The following RSF1 variants were observed in gnomAD, a reference collection of about 807,000 sequenced individuals.
RSF1 encodes remodeling and spacing factor 1.
RSF1 carries 13 observed loss-of-function variants against 145.2 expected under a neutral mutation model. The ratio of observed to expected loss-of-function variants is 0.09; its 90% CI spans 0.06 to 0.14. The LOEUF (loss-of-function observed/expected upper bound fraction) is 0.14. RSF1 is among the 10% of genes least tolerant of loss of function. RSF1 has a pLI of 1.00. For synonymous variants in RSF1, 577 were observed against 592.6 expected, an observed-to-expected ratio of 0.97 and a Z score of 0.38; for missense variants, 1,517 against 1,718.2, an observed-to-expected ratio of 0.88 and a Z score of 2.07.
At chr11:77,772,652 A>C (rs1363576779) in intron 1 of RSF1, among the ~76,000 whole-genome samples, 1 of 152,146 alleles carries the variant, frequency 6.6e-6, no homozygotes, top group Non-Finnish European at 1.5e-5. Context: ...GAATTACACG[A>C]GATGATCCAA....
At position 77,667,421 on chromosome 11, in the gene RSF1, C is replaced by G. The variant is rs370943945; in HGVS notation, c.3822G>C (p.Arg1274=). ...CTGAATACTCGTCTGTGCTTCGGCC[C>G]CGCTTTCGAACTGACCGCTTTGATT... ...AKESKRSVRK[R]GRSTDEYSEA... The change falls in exon 16 of 16, where the codon CGG becomes CGC. Residue 1274 remains arginine, a synonymous_variant. Transcript: ENST00000308488. 6.2e-7 allele frequency: 1 copy of G among 1,613,844 alleles called. No individual in the cohort carries two copies. Among genetic ancestry groups the G allele is most frequent in the Non-Finnish European group, 8.5e-7 (1 of 1,180,022 alleles).
rs1959234915 is a variant in RSF1 at position 77,661,640 on chromosome 11, A to G, written c.*5277T>C. On this transcript the variant is annotated 3_prime_UTR_variant, in exon 16 of 16. Transcript: ENST00000308488. ...TAATTACATAATGCACCTGTAGATG[A>G]TCTAGCATAAACACAATTGTAAAAA... 1 of 152,068 alleles carries G rather than the reference A, an allele frequency of 6.6e-6. No homozygotes were observed. The highest frequency in any genetic ancestry group is 6.6e-5 in the Admixed American group (1 of 15,256). The allele number at this position is 152,068 out of a possible 1,614,324, so 9.4% of individuals were successfully genotyped here.
chr11:77,712,421 GTA>G (rs1960709366), intron 5 of RSF1, among the ~76,000 whole-genome samples: 1 of 152,098 alleles, frequency 6.6e-6, no homozygotes, highest in Non-Finnish European at 1.5e-5. Flanking sequence ...GGTGTCTCAG[GTA>G]TATCTTTATT....
At chr11:77,845,474 C>T in the RSF1 span, among the ~76,000 whole-genome samples, 4 of 151,866 alleles carry the variant, frequency 2.6e-5, no homozygotes, top group African/African-American at 7.3e-5. Flanking sequence ...TCTGTCACCA[C>T]AGCTGGAGTG....
chr11:77,871,570 T>C, the RSF1 span, among the ~76,000 whole-genome samples: 1 of 152,300 alleles, frequency 6.6e-6, no homozygotes, highest in South Asian at 2.1e-4. Context: ...TGAGCTGCAG[T>C]GTACATACAT....
At chr11:77,791,468 A>G (rs1166878376) in intron 1 of RSF1, among the ~76,000 whole-genome samples, 1 of 152,196 alleles carries the variant, frequency 6.6e-6, no homozygotes, top group East Asian at 1.9e-4. Context: ...TACTTGTGCA[A>G]ATTTATGCAG....
chr11:77,813,469 C>T lies in RSF1; in HGVS notation c.187+7059G>A, dbSNP rs561740448. The T allele has an allele frequency of 1.5e-4, 170 of 1,100,862 alleles. 1 individual carries two copies. In the East Asian group the frequency reaches 2.9e-3, roughly 19 times the overall value. The allele number at this position is 1,100,862 out of a possible 1,614,324, so 68.2% of individuals were successfully genotyped here. A position where few individuals can be genotyped will look rare whatever the true frequency, so the allele number is the denominator to read the frequency against. On this transcript the variant is annotated intron_variant, in intron 1 of 15. Transcript: ENST00000308488. Reference sequence around the variant, plus strand: ...ATCCCACGTCTTAGAACCTTCACCACAAGGACTTTTTCTGTAGTGATTCTC... The same window carrying T: ...ATCCCACGTCTTAGAACCTTCACCATAAGGACTTTTTCTGTAGTGATTCTC...
In RSF1 at chr11:77,663,717, T is replaced by C. The variant is rs1297706134; in HGVS notation, c.*3200A>G. Reference sequence around the variant, plus strand: ...TTTACACTAATTTCATCAGCACTGATGTACAAAACCAAAACGTTTTCAGTC... The same window carrying C: ...TTTACACTAATTTCATCAGCACTGACGTACAAAACCAAAACGTTTTCAGTC... On this transcript the variant is annotated 3_prime_UTR_variant, in exon 16 of 16. Transcript: ENST00000308488. The C allele has an allele frequency of 2.6e-5, 4 of 152,242 alleles. No individual in the cohort carries two copies. In the East Asian group the frequency reaches 5.8e-4, roughly 22 times the overall value. The allele number at this position is 152,242 out of a possible 1,614,324, so 9.4% of individuals were successfully genotyped here.
intron 10 of RSF1, 22 bp from the exon 11 acceptor site, chr11:77,683,841 C>A: frequency 6.4e-7 from 1 of 1,557,142 alleles, no homozygotes. Flanking sequence ...TGATAATAAG[C>A]ATAGAGGTTA....
chr11:77,776,198 G>A (rs1232244268), intron 1 of RSF1, among the ~76,000 whole-genome samples: 2 of 152,100 alleles, frequency 1.3e-5, no homozygotes, highest in Non-Finnish European at 2.9e-5. Context: ...GGGTGCCAAA[G>A]TGAGACCCTG....
chr11:77,814,456 GA>G (rs1340594974), intron 1 of RSF1, among the ~76,000 whole-genome samples: 2 of 151,548 alleles, frequency 1.3e-5, no homozygotes, highest in African/African-American at 2.4e-5. Context: ...CTCTGGGGGG[GA>G]AAAAAAAGGA....
chr11:77,784,528 T>C lies in RSF1; in HGVS notation c.188-19839A>G, dbSNP rs187447036. On this transcript the variant is annotated intron_variant, in intron 1 of 15. Coordinates refer to ENST00000308488, the MANE Select transcript of RSF1 (RefSeq NM_016578.4). Reference sequence around the variant, plus strand: ...AGTTAGACCAGTTTCTCAGCACAGCTAGTAATTTGAGCCATATTGAGTAAA... The same window carrying C: ...AGTTAGACCAGTTTCTCAGCACAGCCAGTAATTTGAGCCATATTGAGTAAA... Among the ~76,000 whole-genome samples, 355 of 152,238 alleles carry C rather than the reference T, an allele frequency of 2.3e-3. 1 individual carries two copies. The highest frequency in any genetic ancestry group is 8.4e-3 in the African/African-American group (347 of 41,520).
chr11:77,864,162 G>A, the RSF1 span, among the ~76,000 whole-genome samples: 1 of 151,800 alleles, frequency 6.6e-6, no homozygotes, highest in African/African-American at 2.4e-5. Flanking sequence ...CCTGACCTCA[G>A]GTGATACGCC....
chr11:77,853,674 C>T, the RSF1 span, among the ~76,000 whole-genome samples: 1 of 152,166 alleles, frequency 6.6e-6, no homozygotes, highest in South Asian at 2.1e-4. Context: ...CAGGCAGTGG[C>T]TCACCCCTGT....
chr11:77,723,238 C>T (rs750460863), intron 5 of RSF1, among the ~76,000 whole-genome samples: 19 of 152,144 alleles, frequency 1.2e-4, no homozygotes, highest in Admixed American at 2.6e-4. Flanking sequence ...GCAGGAGGGT[C>T]GCCTGAGGCC....
the RSF1 span, chr11:77,850,818 T>C: frequency 6.6e-6 from 1 of 151,702 alleles, no homozygotes; most frequent in African/African-American, 2.4e-5. Flanking sequence ...ACACTCACAC[T>C]TTGTCCCCCT....
intron 5 of RSF1, among the ~76,000 whole-genome samples, chr11:77,710,767 A>T (rs941918345): frequency 6.6e-6 from 1 of 152,216 alleles, no homozygotes; most frequent in African/African-American, 2.4e-5. Flanking sequence ...TTCATCTGTG[A>T]CTAGTTGGAA....
At chr11:77,767,617 G>C (rs1194338380) in intron 1 of RSF1, among the ~76,000 whole-genome samples, 4 of 152,080 alleles carry the variant, frequency 2.6e-5, no homozygotes, top group African/African-American at 7.2e-5. Context: ...TTATTAAAGA[G>C]TTATTTATTG....
In RSF1 at chr11:77,661,442, T is replaced by TGTGTGA. The variant is rs1959231928; in HGVS notation, c.*5474_*5475insTCACAC. ...CATTTACTAATATAAGCTAGATGTG[T>TGTGTGA]GTGTGTGTGTGTGTGTGTGTGCAAT... On this transcript the variant is annotated 3_prime_UTR_variant, in exon 16 of 16. Transcript: ENST00000308488. 1 of 151,120 alleles carries TGTGTGA rather than the reference T, an allele frequency of 6.6e-6. No homozygotes were observed. Among genetic ancestry groups the TGTGTGA allele is most frequent in the South Asian group, 2.1e-4 (1 of 4,822 alleles). 9.4% of individuals were successfully genotyped at this position (151,120 alleles called of 1,614,324 possible). A position where few individuals can be genotyped will look rare whatever the true frequency, so the allele number is the denominator to read the frequency against.
Sources: gnomAD v4.1 joint callset for allele counts (sites outside exome capture counted in the v4.1 genomes callset) on GRCh38, gnomAD v4.1.1 for gene constraint, MANE v1.5 for transcripts, NCBI Gene and HGNC (gene_info 2026-07-23, HGNC 2026-07-21) for gene names.